The following SMPDL3A variants were observed in gnomAD, a reference collection of about 807,000 sequenced individuals.
SMPDL3A encodes sphingomyelin phosphodiesterase acid like 3A.
In SMPDL3A, 39 loss-of-function variants were observed where a neutral mutation model predicts 38.5. The observed-to-expected ratio is 1.01, with a 90% CI of 0.78 to 1.32. SMPDL3A has a LOEUF of 1.32. Ranked by LOEUF, SMPDL3A falls within the 40% of genes most tolerant of loss-of-function variation. The pLI, the probability that SMPDL3A is intolerant of heterozygous loss-of-function variation, is 0.00. For missense variants in SMPDL3A, 502 were observed against 536.2 expected, an observed-to-expected ratio of 0.94 and a Z score of 0.63; for synonymous variants, 180 against 194.3, an observed-to-expected ratio of 0.93 and a Z score of 0.61.
chr6:122,800,951 A>G (rs1781410727), intron 3 of SMPDL3A, among the ~76,000 whole-genome samples: 2 of 152,098 alleles, frequency 1.3e-5, no homozygotes, highest in Non-Finnish European at 2.9e-5. Context: ...GGGTTTCACC[A>G]TATTGGCCAG....
rs1390427854 is a variant in SMPDL3A, at chr6:122,790,147, TAA to T, written c.112+690_112+691del. Among the ~76,000 whole-genome samples the T allele has an allele frequency of 4.6e-5, 7 of 152,294 alleles. No individual in the cohort carries two copies. In the East Asian group the frequency reaches 1.2e-3, roughly 25 times the overall value. On this transcript the variant is annotated intron_variant, in intron 1 of 7. Transcript: ENST00000368440. ...GTGCCCGTTACAGTAGTGATTCTCT[TAA>T]GTGTGCCCTGGACCGGTGGCAGCAG...
chr6:122,795,558 A>T, intron 1 of SMPDL3A, 119 bp from the exon 2 acceptor site: 1 of 712,730 alleles, frequency 1.4e-6, no homozygotes, highest in Non-Finnish European at 2.4e-6. Context: ...CATTTAAATT[A>T]CCAAGGCTTT....
At chr6:122,791,670 C>A (rs993300917) in intron 1 of SMPDL3A, among the ~76,000 whole-genome samples, 3 of 151,890 alleles carry the variant, frequency 2.0e-5, no homozygotes, top group Non-Finnish European at 4.4e-5. Context: ...TTTTGGAAGT[C>A]TTTTTAAAAA....
intron 2 of SMPDL3A, among the ~76,000 whole-genome samples, chr6:122,796,561 T>G (rs937185892): frequency 2.6e-5 from 4 of 152,216 alleles, no homozygotes; most frequent in African/African-American, 9.7e-5. Context: ...TATTGCAGTT[T>G]TTAGCCTCTT....
intron 4 of SMPDL3A, among the ~76,000 whole-genome samples, chr6:122,802,195 C>CTTTTTTTTTTTTTTTTTTTTT (rs3031702): frequency 8.1e-6 from 1 of 123,560 alleles, no homozygotes. Context: ...TATATCTAGT[C>CTTTTTTTTTTTTTTTTTTTTT]TTTTTTTTTT....
intron 7 of SMPDL3A, 138 bp from the exon 8 acceptor site, chr6:122,808,953 C>A: frequency 1.5e-6 from 1 of 684,952 alleles, no homozygotes; most frequent in African/African-American, 1.8e-5. Context: ...CTCAGCCTCT[C>A]AAAGTGCTAG....
rs41292584 is a variant in SMPDL3A, at chr6:122,809,291, C to T, written c.1245C>T (p.Asp415=). Residue 415 remains aspartate (D), a synonymous_variant, in exon 8 of 8, where the codon GAC becomes GAT. Transcript: ENST00000368440. ...ACAATTACTTCTTTGTGAGTTATGA[C>T]AGCAGTGTAACATGTGATAAGACAT... is the stretch of plus-strand genomic sequence containing the variant. ...KYYNYFFVSY[D]SSVTCDKTCK... is the part of the protein sequence containing the mutation. 93,225 of 1,613,162 alleles carry T rather than the reference C, an allele frequency of 0.058. 3,292 individuals are homozygous for T. The highest frequency in any genetic ancestry group is 0.14 in the South Asian group (12,777 of 91,066).
At chr6:122,803,630 T>C (rs1388347358) in intron 4 of SMPDL3A, 34 bp from the exon 5 acceptor site, 2 of 1,551,294 alleles carry the variant, frequency 1.3e-6, no homozygotes, top group Non-Finnish European at 1.8e-6. Context: ...TATGTGTATG[T>C]TTTCCTAAAT....
intron 4 of SMPDL3A, among the ~76,000 whole-genome samples, chr6:122,801,634 TTAGG>T (rs1300925937): frequency 6.6e-6 from 1 of 152,206 alleles, no homozygotes; most frequent in Non-Finnish European, 1.5e-5. Flanking sequence ...CTACTCTTAA[TTAGG>T]TAGGTATGTT....
At chr6:122,794,870 A>G (rs979682186) in intron 1 of SMPDL3A, among the ~76,000 whole-genome samples, 1 of 152,206 alleles carries the variant, frequency 6.6e-6, no homozygotes, top group Non-Finnish European at 1.5e-5. Flanking sequence ...GGTTTATAAG[A>G]AAGTAAGAGT....
In SMPDL3A at chr6:122,805,096, T is replaced by A. The variant is rs1333071174; in HGVS notation, c.919+7T>A. ...GTTCTTTCAGATAAAAAAGGTAATG[T>A]AATGCTGTGTTTGCATCTCCCCAGT... On this transcript the variant is annotated splice_region_variant and intron_variant, in intron 6 of 7. Coordinates refer to ENST00000368440, the MANE Select transcript of SMPDL3A (RefSeq NM_006714.5). The A allele has an allele frequency of 6.3e-7, 1 of 1,592,198 alleles. No individual in the cohort carries two copies. Among genetic ancestry groups the A allele is most frequent in the South Asian group, 1.2e-5 (1 of 85,376 alleles).
chr6:122,807,709 CT>C (rs5784724), intron 7 of SMPDL3A, among the ~76,000 whole-genome samples: 3 of 149,730 alleles, frequency 2.0e-5, no homozygotes, highest in African/African-American at 4.9e-5. Flanking sequence ...GGTATAACTG[CT>C]TTTTTTTTTC....
chr6:122,795,287 G>A (rs1012329477), intron 1 of SMPDL3A, among the ~76,000 whole-genome samples: 7 of 152,190 alleles, frequency 4.6e-5, no homozygotes, highest in Admixed American at 6.5e-5. Flanking sequence ...GATTACAGGC[G>A]TGTGCCACCA....
rs1157324322 is a variant in SMPDL3A, at chr6:122,809,087, G to A, written c.1045-4G>A. The A allele has an allele frequency of 5.6e-6, 9 of 1,611,412 alleles. No individual in the cohort carries two copies. In the African/African-American group the frequency reaches 1.1e-4, roughly 19 times the overall value. The stretch of plus-strand genomic sequence containing the variant: ...CCAGGTTTTGTTACTGTTCTTAACT[G>A]CAGGATATGTTGCAGTATTACTTGA... On this transcript the variant is annotated splice_region_variant and splice_polypyrimidine_tract_variant and intron_variant, in intron 7 of 7. Transcript: ENST00000368440.
intron 1 of SMPDL3A, among the ~76,000 whole-genome samples, chr6:122,792,364 C>A (rs1562346764): frequency 6.6e-6 from 1 of 152,130 alleles, no homozygotes; most frequent in Admixed American, 6.5e-5. Flanking sequence ...CATCTGTGAT[C>A]TTGAGGATAT....
intron 1 of SMPDL3A, among the ~76,000 whole-genome samples, chr6:122,793,960 C>T (rs188532103): frequency 5.3e-5 from 8 of 151,286 alleles, no homozygotes; most frequent in African/African-American, 1.9e-4. Flanking sequence ...AACTCAAAAA[C>T]CCAAAAGTGT....
Position 122,806,892 on chromosome 6 carries a change from TAAC to T in SMPDL3A, c.1044+538_1044+540del, listed in dbSNP as rs1781640258. ...CTCATACTAAATGCTTAATAAATGT[TAAC>T]AAACAAGATTTTATTTTCAAGTTCT... On this transcript the variant is annotated intron_variant, in intron 7 of 7. Coordinates refer to ENST00000368440, the MANE Select transcript of SMPDL3A (RefSeq NM_006714.5). Among the ~76,000 whole-genome samples the T allele has an allele frequency of 2.0e-5, 3 of 152,318 alleles. No homozygotes were observed. In the East Asian group the frequency reaches 5.8e-4, roughly 29 times the overall value.
At chr6:122,789,803 G>C in intron 1 of SMPDL3A, 1 of 983,484 alleles carries the variant, frequency 1.0e-6, no homozygotes, top group South Asian at 4.7e-5. Flanking sequence ...GAAAAGCTGC[G>C]GGACTCAAGG....
chr6:122,794,725 A>C (rs1281894852), intron 1 of SMPDL3A, among the ~76,000 whole-genome samples: 1 of 152,234 alleles, frequency 6.6e-6, no homozygotes, highest in East Asian at 1.9e-4. Flanking sequence ...CCTTAATTTT[A>C]TTAACATTTT....
Sources: gnomAD v4.1 joint callset for allele counts (sites outside exome capture counted in the v4.1 genomes callset) on GRCh38, gnomAD v4.1.1 for gene constraint, MANE v1.5 for transcripts, NCBI Gene and HGNC (gene_info 2026-07-23, HGNC 2026-07-21) for gene names.